The following NDUFC1 variants were observed in gnomAD, a reference collection of about 807,000 sequenced individuals.
NDUFC1 encodes the protein NADH:ubiquinone oxidoreductase subunit C1.
A neutral mutation model predicts 11.6 loss-of-function variants in NDUFC1; 11 were observed. The observed-to-expected ratio is 0.95, with a 90% CI of 0.60 to 1.58. NDUFC1 has a LOEUF of 1.58. Ranked by LOEUF, NDUFC1 falls within the 40% of genes most tolerant of loss-of-function variation. The probability of loss-of-function intolerance (pLI) is 0.00; values close to 1 mark genes in which losing one functional copy is unlikely to be tolerated. For synonymous variants in NDUFC1, 52 were observed against 42.2 expected (o/e 1.23, Z -0.90); for missense variants, 112 against 93.0 (o/e 1.20, Z -0.84).
intron 5 of NDUFC1, among the ~76,000 whole-genome samples, chr4:139,290,620 TAATC>T (rs888807836): frequency 5.3e-5 from 8 of 152,040 alleles, no homozygotes; most frequent in African/African-American, 1.7e-4. Context: ...ATAAGTTACT[TAATC>T]AACCCAATTA....
chr4:139,301,958 A>G, intron 1 of NDUFC1: 1 of 1,012,654 alleles, frequency 9.9e-7, no homozygotes, highest in Admixed American at 2.5e-5. Context: ...AGCTCTCGTC[A>G]GGCCGAATGC....
chr4:139,301,382 C>T (rs1171414194), intron 1 of NDUFC1: 3 of 420,818 alleles, frequency 7.1e-6, no homozygotes, highest in Admixed American at 4.3e-5. Flanking sequence ...CCTCCACAGG[C>T]AGGCCAGCCT....
intron 5 of NDUFC1, among the ~76,000 whole-genome samples, chr4:139,290,857 G>A (rs919116850): frequency 6.6e-6 from 1 of 151,792 alleles, no homozygotes; most frequent in African/African-American, 2.4e-5. Flanking sequence ...CTGGAGTGCA[G>A]TAGCCCAATA....
Position 139,295,069 on chromosome 4 carries a change from C to T in NDUFC1, c.145G>A (p.Gly49Ser). 1 of 1,614,056 alleles carries T rather than the reference C, an allele frequency of 6.2e-7. No homozygotes were observed. The highest frequency in any genetic ancestry group is 1.1e-5 in the South Asian group (1 of 91,070). Reference sequence around the variant, plus strand: ...TAGATCCACAAGAAGACAGTGGTGCCCAAGGTGAACCCAACTTTCAGCCAG... The same window carrying T: ...TAGATCCACAAGAAGACAGTGGTGCTCAAGGTGAACCCAACTTTCAGCCAG... Reference protein sequence around the residue: ...PDWLKVGFTLGTTVFLWIYLI... With the variant: ...PDWLKVGFTLSTTVFLWIYLI... Residue 49 changes from glycine (G) to serine (S), a missense_variant, in exon 4 of 6, where the codon GGC (glycine) becomes AGC (serine). Gly to Ser is a moderately conservative substitution (Grantham distance 56). Transcript: ENST00000394223.
intron 1 of NDUFC1, among the ~76,000 whole-genome samples, chr4:139,299,024 C>T (rs1289372867): frequency 6.6e-6 from 1 of 151,784 alleles, no homozygotes; most frequent in African/African-American, 2.4e-5. Flanking sequence ...GGCTGGAGTG[C>T]AGTGGTGCGA....
At chr4:139,295,521 AG>A (rs1313830917) in intron 3 of NDUFC1, among the ~76,000 whole-genome samples, 1 of 152,232 alleles carries the variant, frequency 6.6e-6, no homozygotes, top group Non-Finnish European at 1.5e-5. Context: ...AAGAGTGGTC[AG>A]GTTGAACTTG....
chr4:139,295,672 G>A, intron 3 of NDUFC1, 60 bp downstream of exon 3: 2 of 1,501,594 alleles, frequency 1.3e-6, no homozygotes, highest in Admixed American at 4.8e-5. Context: ...CCGTGGGCTG[G>A]GTCCGCCTTA....
Position 139,295,830 on chromosome 4 carries a change from G to A in NDUFC1, c.-32C>T. ...TGGCCCAGCTCAGTCTCTCCGAGTTGGCAACAGAACCAGCGCCACCTGGCG... is the reference window on the plus strand; with the variant it reads ...TGGCCCAGCTCAGTCTCTCCGAGTTAGCAACAGAACCAGCGCCACCTGGCG... On this transcript the variant is annotated 5_prime_UTR_variant, in exon 3 of 6. Transcript: ENST00000394223. 6.5e-7 allele frequency: 1 copy of A among 1,541,244 alleles called. No individual in the cohort carries two copies. Among genetic ancestry groups the A allele is most frequent in the Non-Finnish European group, 8.7e-7 (1 of 1,142,988 alleles).
chr4:139,295,173 T>G (rs1347571370), intron 3 of NDUFC1, 27 bp from the exon 4 acceptor site: 3 of 1,583,222 alleles, frequency 1.9e-6, no homozygotes, highest in South Asian at 2.2e-5. Context: ...GTCTGTAAAT[T>G]TGTAACTTAC....
intron 1 of NDUFC1, 106 bp from the exon 2 acceptor site, chr4:139,297,549 C>T (rs925344304): frequency 6.6e-6 from 1 of 152,060 alleles, no homozygotes; most frequent in Non-Finnish European, 1.5e-5. Context: ...AGAATTTGAA[C>T]ACTAAAATCT....
chr4:139,293,332 T>A (rs186550508), intron 4 of NDUFC1, among the ~76,000 whole-genome samples: 1 of 152,156 alleles, frequency 6.6e-6, no homozygotes, highest in Non-Finnish European at 1.5e-5. Context: ...CGAAACTGTA[T>A]GTGTATTAAT....
At chr4:139,293,930 ATTTTTTTT>A (rs775805536) in intron 4 of NDUFC1, among the ~76,000 whole-genome samples, 19 of 69,716 alleles carry the variant, frequency 2.7e-4, no homozygotes, top group East Asian at 4.7e-4. Flanking sequence ...TGTGGTGTGA[ATTTTTTTT>A]TTTTTTTTTT....
At chr4:139,291,285 T>G (rs1378597271) in intron 5 of NDUFC1, among the ~76,000 whole-genome samples, 1 of 151,714 alleles carries the variant, frequency 6.6e-6, no homozygotes, top group African/African-American at 2.4e-5. Flanking sequence ...ATTTAAAAAT[T>G]GATTGCTCTG....
chr4:139,295,438 T>C (rs531136028), intron 3 of NDUFC1, among the ~76,000 whole-genome samples: 2 of 152,208 alleles, frequency 1.3e-5, no homozygotes, highest in South Asian at 2.1e-4. Flanking sequence ...GGAGGGTGTC[T>C]CCTCTCCCGG....
Position 139,299,198 on chromosome 4 carries a change from G to A in NDUFC1, c.-221-1755C>T, listed in dbSNP as rs189890718. Among the ~76,000 whole-genome samples, 1,080 of 151,672 alleles carry A rather than the reference G, an allele frequency of 7.1e-3. 7 individuals are homozygous for A. Among genetic ancestry groups the A allele is most frequent in the East Asian group, 0.03 (153 of 5,150 alleles). On this transcript the variant is annotated intron_variant, in intron 1 of 5. Coordinates refer to ENST00000394223, the MANE Select transcript of NDUFC1 (RefSeq NM_001184989.2). ...TTGGTCAGGCTGGTCTTGAACTCCTGACCTTGTGATCCGCCCGCCTCAGCC... is the reference window on the plus strand; with the variant it reads ...TTGGTCAGGCTGGTCTTGAACTCCTAACCTTGTGATCCGCCCGCCTCAGCC...
rs1745441539 is a variant in NDUFC1, at chr4:139,295,774, G to A, written c.25C>T (p.Pro9Ser). The change falls in exon 3 of 6, where the codon CCC becomes TCC. Residue 9 changes from proline (P) to serine (S), a missense_variant. Coordinates refer to ENST00000394223, the MANE Select transcript of NDUFC1 (RefSeq NM_001184989.2). MAPSALLR[P>S]LSRLLAPARL... is the part of the protein sequence containing the mutation. ...GCGGGGGCCAGCAGCCGGGAAAGGG[G>A]ACGCAGCAAGGCGGACGGCGCCATC... is the stretch of plus-strand genomic sequence containing the variant. 11 of 1,552,536 alleles carry A rather than the reference G, an allele frequency of 7.1e-6. No homozygotes were observed. The East Asian group carries it at 1.5e-4, about 21-fold the overall frequency.
chr4:139,293,066 C>G (rs912620376), intron 4 of NDUFC1, among the ~76,000 whole-genome samples: 1 of 152,054 alleles, frequency 6.6e-6, no homozygotes, highest in Non-Finnish European at 1.5e-5. Flanking sequence ...GTGATCCACC[C>G]GCCTCGGCCT....
intron 1 of NDUFC1, chr4:139,301,879 C>T (rs746469000): frequency 5.2e-6 from 8 of 1,548,216 alleles, no homozygotes; most frequent in African/African-American, 2.7e-5. Flanking sequence ...TAGCCGGTAA[C>T]CGGGCCTGTC....
chr4:139,301,909 C>G (rs1480601610), intron 1 of NDUFC1: 1 of 1,476,230 alleles, frequency 6.8e-7, no homozygotes, highest in African/African-American at 1.4e-5. Flanking sequence ...CTCGGCCCGG[C>G]GGGCACTGAG....
Sources: gnomAD v4.1 joint callset for allele counts (sites outside exome capture counted in the v4.1 genomes callset) on GRCh38, gnomAD v4.1.1 for gene constraint, MANE v1.5 for transcripts, NCBI Gene and HGNC (gene_info 2026-07-23, HGNC 2026-07-21) for gene names.